Variants in SNTG1 observed in about 807,000 individuals in gnomAD.
SNTG1 encodes syntrophin gamma 1.
SNTG1 carries 39 observed loss-of-function variants against 74.7 expected under a neutral mutation model. That is an observed-to-expected ratio of 0.52 (90% confidence interval 0.40 to 0.68). SNTG1 has a LOEUF of 0.68. Ranked by LOEUF, SNTG1 falls within the 30% of genes least tolerant of loss-of-function variation. The pLI, the probability that SNTG1 is intolerant of heterozygous loss-of-function variation, is 0.00. For missense variants in SNTG1, 685 were observed against 609.5 expected, an observed-to-expected ratio of 1.12 and a Z score of -1.30; for synonymous variants, 254 against 217.1, an observed-to-expected ratio of 1.17 and a Z score of -1.49.
chr8:50,438,604 C>T lies in SNTG1; in HGVS notation c.219+5C>T, dbSNP rs2093328812. 2.5e-6 allele frequency: 4 copies of T among 1,610,710 alleles called. No individual in the cohort carries two copies. The highest frequency in any genetic ancestry group is 3.4e-6 in the Non-Finnish European group (4 of 1,177,418). Reference sequence around the variant, plus strand: ...GGATTTGGATTAAGCATAAAGGTAGCCTGCCTTTCTAGTCTATCCTTACAA... The same window carrying T: ...GGATTTGGATTAAGCATAAAGGTAGTCTGCCTTTCTAGTCTATCCTTACAA... On this transcript the variant is annotated splice_donor_5th_base_variant and intron_variant, in intron 5 of 18. Coordinates refer to ENST00000642720, the MANE Select transcript of SNTG1 (RefSeq NM_018967.5).
At chr8:50,003,671 G>T (rs1045508678) in intron 1 of SNTG1, among the ~76,000 whole-genome samples, 9 of 152,102 alleles carry the variant, frequency 5.9e-5, no homozygotes, top group African/African-American at 2.2e-4. Context: ...CATTTTTTCT[G>T]TTGTAATTAC....
At chr8:50,083,063 A>G (rs1432687242) in intron 1 of SNTG1, among the ~76,000 whole-genome samples, 3 of 152,098 alleles carry the variant, frequency 2.0e-5, no homozygotes, top group African/African-American at 4.8e-5. Context: ...TATCCTTCCA[A>G]TTTGGGTTAA....
chr8:50,122,596 A>G lies in SNTG1; in HGVS notation c.-102-49965A>G, dbSNP rs897578103. Among the ~76,000 whole-genome samples, 6 of 142,124 alleles carry G rather than the reference A, an allele frequency of 4.2e-5. 1 individual carries two copies. The highest frequency in any genetic ancestry group is 2.2e-4 in the Admixed American group (3 of 13,828). The allele number at this position is 142,124 out of a possible 152,430, so 93.2% of individuals were successfully genotyped here. A position where few individuals can be genotyped will look rare whatever the true frequency, so the allele number is the denominator to read the frequency against. ...GAAAGAGCATTTGGGCTGCAATGTC[A>G]ATAACTAATTAAAGGAGGTGAGGCG... is the stretch of plus-strand genomic sequence containing the variant. On this transcript the variant is annotated intron_variant, in intron 1 of 18. Coordinates refer to ENST00000642720, the MANE Select transcript of SNTG1 (RefSeq NM_018967.5).
chr8:50,398,201 T>C (rs1241853185), intron 3 of SNTG1, among the ~76,000 whole-genome samples: 1 of 152,226 alleles, frequency 6.6e-6, no homozygotes, highest in Non-Finnish European at 1.5e-5. Context: ...TCTACTCTGC[T>C]ACAAGAAATA....
chr8:50,647,884 AT>A (rs2095120245), intron 13 of SNTG1, among the ~76,000 whole-genome samples: 1 of 144,216 alleles, frequency 6.9e-6, no homozygotes, highest in Admixed American at 7.1e-5. Flanking sequence ...TGTAATTCCC[AT>A]TTTTACATTT....
chr8:50,295,581 C>T (rs1454587186), intron 2 of SNTG1, among the ~76,000 whole-genome samples: 1 of 152,134 alleles, frequency 6.6e-6, no homozygotes, highest in Non-Finnish European at 1.5e-5. Flanking sequence ...ATTGTCAAGT[C>T]ATAGTTTCTT....
intron 15 of SNTG1, among the ~76,000 whole-genome samples, chr8:50,674,829 G>A (rs904537644): frequency 1.3e-5 from 2 of 152,004 alleles, no homozygotes; most frequent in African/African-American, 4.8e-5. Context: ...TCTAAACACT[G>A]GTTTAGCTAT....
At chr8:50,066,369 T>C (rs1383275781) in intron 1 of SNTG1, among the ~76,000 whole-genome samples, 2 of 152,120 alleles carry the variant, frequency 1.3e-5, no homozygotes, top group Non-Finnish European at 2.9e-5. Context: ...ATATAAACAA[T>C]TACCATAGTC....
intron 2 of SNTG1, among the ~76,000 whole-genome samples, chr8:50,173,746 G>A (rs1266030251): frequency 6.6e-6 from 1 of 152,018 alleles, no homozygotes; most frequent in African/African-American, 2.4e-5. Context: ...TCTTGTCATG[G>A]ATGGGTTGCT....
chr8:50,228,670 C>G (rs138498515), intron 2 of SNTG1, among the ~76,000 whole-genome samples: 1 of 151,804 alleles, frequency 6.6e-6, no homozygotes, highest in Non-Finnish European at 1.5e-5. Context: ...TTACCGTTCT[C>G]TATGTTCTGC....
chr8:50,099,157 G>A (rs1453132308), intron 1 of SNTG1, among the ~76,000 whole-genome samples: 1 of 152,102 alleles, frequency 6.6e-6, no homozygotes, highest in Non-Finnish European at 1.5e-5. Context: ...AGCTATTTGG[G>A]AACAGGTAGA....
rs1423886972 is a variant in SNTG1 at position 50,481,744 on chromosome 8, A to G, written c.364-21034A>G. ...AAGTTATGTACTTCTACTTATATCA[A>G]GGAATGTTTTGATGATTGGTGTGAA... On this transcript the variant is annotated intron_variant, in intron 8 of 18. Transcript: ENST00000642720. Among the ~76,000 whole-genome samples, 3 of 152,212 alleles carry G rather than the reference A, an allele frequency of 2.0e-5. No individual in the cohort carries two copies. The East Asian group carries it at 5.8e-4, about 29-fold the overall frequency.
intron 1 of SNTG1, among the ~76,000 whole-genome samples, chr8:50,084,473 A>T (rs1317791595): frequency 6.6e-6 from 1 of 151,884 alleles, no homozygotes; most frequent in Non-Finnish European, 1.5e-5. Context: ...AAAATAAAAT[A>T]AAAAAAAGTA....
At chr8:50,641,034 T>A (rs1032422854) in intron 13 of SNTG1, among the ~76,000 whole-genome samples, 1 of 152,158 alleles carries the variant, frequency 6.6e-6, no homozygotes, top group African/African-American at 2.4e-5. Context: ...TTCTTTACTC[T>A]TCCTTATTCT....
At chr8:50,628,207 CT>C (rs1050441186) in intron 13 of SNTG1, among the ~76,000 whole-genome samples, 15 of 150,314 alleles carry the variant, frequency 1.0e-4, no homozygotes, top group Admixed American at 2.7e-4. Flanking sequence ...AATGAAGCTA[CT>C]TTTTTTTTTC....
intron 15 of SNTG1, among the ~76,000 whole-genome samples, chr8:50,661,608 T>G (rs1301099327): frequency 6.6e-6 from 1 of 152,182 alleles, no homozygotes; most frequent in Non-Finnish European, 1.5e-5. Flanking sequence ...TAGGTATACA[T>G]GTACCATGGT....
intron 13 of SNTG1, among the ~76,000 whole-genome samples, chr8:50,651,089 G>C (rs943515611): frequency 1.3e-5 from 2 of 152,018 alleles, no homozygotes; most frequent in South Asian, 4.2e-4. Flanking sequence ...TGATATCATG[G>C]ATATTAGTAA....
intron 11 of SNTG1, among the ~76,000 whole-genome samples, chr8:50,542,388 C>G (rs377503197): frequency 1.3e-5 from 2 of 151,956 alleles, no homozygotes; most frequent in South Asian, 2.1e-4. Context: ...AACTCCTGAC[C>G]TCAAGTGATC....
At chr8:50,724,198 A>G (rs370596915) in intron 17 of SNTG1, among the ~76,000 whole-genome samples, 1 of 152,180 alleles carries the variant, frequency 6.6e-6, no homozygotes. Flanking sequence ...AGAAACAGGA[A>G]GGGTCACTGG....
Sources: gnomAD v4.1 joint callset for allele counts (sites outside exome capture counted in the v4.1 genomes callset) on GRCh38, gnomAD v4.1.1 for gene constraint, MANE v1.5 for transcripts, NCBI Gene and HGNC (gene_info 2026-07-23, HGNC 2026-07-21) for gene names.